PEX6: variants seen among roughly 807,000 people sequenced by gnomAD.
The protein encoded by PEX6 is peroxisome biogenesis factor 6.
Under a neutral mutation model 85.6 loss-of-function variants are expected in PEX6, and 55 were observed. The ratio of observed to expected loss-of-function variants is 0.64; its 90% CI spans 0.52 to 0.80. The LOEUF (loss-of-function observed/expected upper bound fraction) is 0.80, where lower values mean the gene tolerates loss of function less well. Ranked by LOEUF, PEX6 falls within the 30% of genes least tolerant of loss-of-function variation. PEX6 has a pLI of 0.00. For synonymous variants in PEX6, 519 were observed against 549.1 expected, an observed-to-expected ratio of 0.95 and a Z score of 0.77; for missense variants, 1,099 against 1,260.3, an observed-to-expected ratio of 0.87 and a Z score of 1.94.
rs1769993888 is a variant in PEX6, at chr6:42,969,773, C to T, written c.1262G>A (p.Trp421Ter). 1.2e-6 allele frequency: 2 copies of T among 1,613,824 alleles called. No homozygotes were observed. Among genetic ancestry groups the T allele is most frequent in the Admixed American group, 1.7e-5 (1 of 60,004 alleles). The stretch of plus-strand genomic sequence containing the variant: ...GAGAGTGGATTCCTCTGAAGGGAGC[C>T]ATGGAACAGGGCTCAGGGTAGAACC... ...MVGSTLSPVPWLPSEESTLWS... is the reference protein window; with the variant it reads ...MVGSTLSPVP The change falls in exon 5 of 17, where the codon TGG becomes TAG. Residue 421 changes from tryptophan (W) to a stop codon, truncating the protein, a stop_gained. Coordinates refer to ENST00000304611, the MANE Select transcript of PEX6 (RefSeq NM_000287.4). LOFTEE classifies it high-confidence loss of function.
intron 3 of PEX6, 127 bp from the exon 4 acceptor site, chr6:42,970,114 G>GA (rs1352612506): frequency 5.3e-6 from 4 of 756,618 alleles, no homozygotes; most frequent in Non-Finnish European, 9.4e-6. Context: ...TCATGGTGGG[G>GA]AAAAGGAATG....
Position 42,978,532 on chromosome 6 carries a change from C to A in PEX6, c.619G>T (p.Val207Leu), listed in dbSNP as rs181734082. The change falls in exon 1 of 17, where the codon GTG (valine) becomes TTG (leucine). Residue 207 changes from valine to leucine, a missense_variant. Val to Leu is a conservative substitution (Grantham distance 32). Transcript: ENST00000304611. ...AGGCCACGGAGACAGCTCCGGCTCA[C>A]CCCTAGTGAATCTCCAGTCCCTCCC... The part of the protein sequence containing the change: ...VLGGTGDSLG[V>L]SRSCLRGLGL... The A allele has an allele frequency of 1.9e-6, 3 of 1,614,028 alleles. No homozygotes were observed. The East Asian group carries it at 6.7e-5, about 36-fold the overall frequency.
chr6:42,964,612 T>G lies in PEX6; in HGVS notation c.2807-141A>C, dbSNP rs182875791. ...GGACTAGGTTTGTCTCCCACTAGTTTTTTTTTTCCCTTAAACATTTTTTTT... is the reference window on the plus strand; with the variant it reads ...GGACTAGGTTTGTCTCCCACTAGTTGTTTTTTTCCCTTAAACATTTTTTTT... On this transcript the variant is annotated intron_variant, in intron 16 of 16. Coordinates refer to ENST00000304611, the MANE Select transcript of PEX6 (RefSeq NM_000287.4). The surrounding 1 kb of genome is among the most constrained non-coding windows in gnomAD (Gnocchi z 4.6). 1.9e-4 allele frequency: 251 copies of G among 1,323,318 alleles called. 1 individual carries two copies. In the Admixed American group the frequency reaches 4.8e-3, roughly 25 times the overall value. 82.0% of individuals were successfully genotyped at this position (1,323,318 alleles called of 1,614,324 possible).
chr6:42,969,340 G>A lies in PEX6; in HGVS notation c.1367+328C>T, dbSNP rs183195725. On this transcript the variant is annotated intron_variant, in intron 5 of 16. Coordinates refer to ENST00000304611, the MANE Select transcript of PEX6 (RefSeq NM_000287.4). ...CACACCTGGGCCACTGGTATGAGGAGTTGTGTCCTTCAGGGCCAGGGCAGT... is the reference window on the plus strand; with the variant it reads ...CACACCTGGGCCACTGGTATGAGGAATTGTGTCCTTCAGGGCCAGGGCAGT... Among the ~76,000 whole-genome samples the A allele has an allele frequency of 7.2e-5, 11 of 152,346 alleles. No individual in the cohort carries two copies. In the East Asian group the frequency reaches 1.9e-3, roughly 27 times the overall value.
Position 42,969,934 on chromosome 6 carries a change from C to T in PEX6, c.1184G>A (p.Gly395Glu). The T allele has an allele frequency of 6.2e-7, 1 of 1,614,222 alleles. No homozygotes were observed. Among genetic ancestry groups the T allele is most frequent in the Non-Finnish European group, 8.5e-7 (1 of 1,180,042 alleles). Residue 395 changes from glycine (G) to glutamate (E), a missense_variant, in exon 4 of 17, where the codon GGA becomes GAA. Physicochemically the swap from Gly to Glu is moderately conservative, Grantham distance 98. This residue lies in a region of PEX6 where 579 missense variants were observed against 611.6 expected (regional missense o/e 0.95). Transcript: ENST00000304611. ...VKKTVGEAPD[G>E]PASAYLADTT... The stretch of plus-strand genomic sequence containing the variant: ...GTCGGCCAAGTAGGCACTGGCTGGT[C>T]CATCTGGAGCTTCCCCAACTGTTTT...
chr6:42,968,251 GC>G (rs751839033), intron 7 of PEX6, 38 bp downstream of exon 7: 20 of 1,569,806 alleles, frequency 1.3e-5, no homozygotes, highest in East Asian at 2.2e-5. Flanking sequence ...CGCCCAGCCG[GC>G]CCCCCCAGCT....
chr6:42,975,060 C>T (rs750905182), intron 1 of PEX6, 22 bp from the exon 2 acceptor site: 31 of 1,600,074 alleles, frequency 1.9e-5, no homozygotes, highest in Non-Finnish European at 2.4e-5. Context: ...ATAACCACCA[C>T]GTTATAACCT....
At position 42,974,956 on chromosome 6, in the gene PEX6, T is replaced by A; in HGVS notation, c.965A>T (p.His322Leu). 1 of 1,613,916 alleles carries A rather than the reference T, an allele frequency of 6.2e-7. No individual in the cohort carries two copies. The highest frequency in any genetic ancestry group is 8.5e-7 in the Non-Finnish European group (1 of 1,179,842). The change falls in exon 2 of 17, where the codon CAC becomes CTC. Residue 322 changes from histidine to leucine, a missense_variant. Transcript: ENST00000304611. ...LPGPPFAREL[H>L]IEIVSSPHYS... is the part of the protein sequence containing the mutation. ...GTGGGGAGAAGACACAATTTCGATGTGTAACTCTCTGGCAAATGGAGGCCC... is the reference window on the plus strand; with the variant it reads ...GTGGGGAGAAGACACAATTTCGATGAGTAACTCTCTGGCAAATGGAGGCCC...
Position 42,964,574 on chromosome 6 carries a change from C to T in PEX6, c.2807-103G>A. 6.9e-7 allele frequency: 1 copy of T among 1,442,746 alleles called. No homozygotes were observed. Among genetic ancestry groups the T allele is most frequent in the Non-Finnish European group, 9.7e-7 (1 of 1,032,898 alleles). 89.4% of individuals were successfully genotyped at this position (1,442,746 alleles called of 1,614,324 possible). A position where few individuals can be genotyped will look rare whatever the true frequency, so the allele number is the denominator to read the frequency against. On this transcript the variant is annotated intron_variant, in intron 16 of 16. Transcript: ENST00000304611. This position sits in a 1 kb window ranked among gnomAD's most constrained non-coding sequence, Gnocchi z 4.6. ...GGTCTCCTAGATGTCAATGATCTTC[C>T]CTCTGGAATCCAGGACTAGGTTTGT...
rs762924769 is a variant in PEX6, at chr6:42,969,755, G to A, written c.1280C>T (p.Ser427Phe). The A allele has an allele frequency of 6.2e-7, 1 of 1,613,808 alleles. No individual in the cohort carries two copies. The highest frequency in any genetic ancestry group is 8.5e-7 in the Non-Finnish European group (1 of 1,179,900). ...SPVPWLPSEESTLWSSLSPPG... is the reference protein window; with the variant it reads ...SPVPWLPSEEFTLWSSLSPPG... ...AGGAGACAAACTGCTCCAGAGAGTG[G>A]ATTCCTCTGAAGGGAGCCATGGAAC... Residue 427 changes from serine to phenylalanine, a missense_variant, in exon 5 of 17, where the codon TCC (serine) becomes TTC (phenylalanine). Ser to Phe is a radical substitution (Grantham distance 155). Transcript: ENST00000304611.
chr6:42,966,986 T>C, intron 8 of PEX6, 128 bp from the exon 9 acceptor site: 1 of 756,638 alleles, frequency 1.3e-6, no homozygotes, highest in South Asian at 1.5e-5. Flanking sequence ...TTTTTTTTTT[T>C]TTTGAGACGG....
Position 42,964,892 on chromosome 6 carries a change from G to A in PEX6, c.2704C>T (p.Leu902=), listed in dbSNP as rs368544721. 1.9e-6 allele frequency: 3 copies of A among 1,614,060 alleles called. No homozygotes were observed. The highest frequency in any genetic ancestry group is 2.5e-6 in the Non-Finnish European group (3 of 1,180,032). Residue 902 remains leucine (L), a synonymous_variant, in exon 16 of 17, where the codon CTA becomes TTA. Coordinates refer to ENST00000304611, the MANE Select transcript of PEX6 (RefSeq NM_000287.4). The surrounding 1 kb of genome is among the most constrained non-coding windows in gnomAD (Gnocchi z 4.6). ...LEPSVSLVNV[L]DCCPPQLTGA... ...GTCAGCTGGGGAGGGCAGCAATCTA[G>A]CACGTTTACCAGGCTCACAGATGGC...
At chr6:42,970,062 TCA>T (rs1007128448) in intron 3 of PEX6, 75 bp from the exon 4 acceptor site, 1 of 1,170,648 alleles carries the variant, frequency 8.5e-7, no homozygotes, top group African/African-American at 1.5e-5. Flanking sequence ...GGTTTCTCAA[TCA>T]CAGAGGACAA....
At chr6:42,967,220 C>T (rs187978955) in intron 8 of PEX6, 148 bp downstream of exon 8, 19 of 746,610 alleles carry the variant, frequency 2.5e-5, no homozygotes, top group African/African-American at 5.2e-5. Flanking sequence ...CCGCCCACCT[C>T]GGCCTCCCAA....
At chr6:42,975,387 T>C (rs1038018172) in intron 1 of PEX6, among the ~76,000 whole-genome samples, 1 of 152,208 alleles carries the variant, frequency 6.6e-6, no homozygotes, top group Non-Finnish European at 1.5e-5. Context: ...TAAGTGGTCA[T>C]TAGTGGGGAA....
rs375588028 is a variant in PEX6 at position 42,978,494 on chromosome 6, C to T, written c.657G>A (p.Gln219=). The T allele has an allele frequency of 1.1e-4, 176 of 1,614,198 alleles. No homozygotes were observed. Among genetic ancestry groups the T allele is most frequent in the South Asian group, 3.3e-4 (30 of 91,082 alleles). ...RSCLRGLGLF[Q]GEWVWVAQAR... ...CCTGGGCCACCCACACCCATTCGCCCTGGAAGAGGCCAAGGCCACGGAGAC... is the reference window on the plus strand; with the variant it reads ...CCTGGGCCACCCACACCCATTCGCCTTGGAAGAGGCCAAGGCCACGGAGAC... Residue 219 remains glutamine (Q), a synonymous_variant, in exon 1 of 17, where the codon CAG becomes CAA. Coordinates refer to ENST00000304611, the MANE Select transcript of PEX6 (RefSeq NM_000287.4).
chr6:42,964,135 G>C lies in PEX6; in HGVS notation c.*200C>G. 1 of 622,276 alleles carries C rather than the reference G, an allele frequency of 1.6e-6. No individual in the cohort carries two copies. The highest frequency in any genetic ancestry group is 2.8e-6 in the Non-Finnish European group (1 of 354,182). The allele number at this position is 622,276 out of a possible 1,614,324, so 38.5% of individuals were successfully genotyped here. A position where few individuals can be genotyped will look rare whatever the true frequency, so the allele number is the denominator to read the frequency against. ...TTCTCTTAGAGCCGGCCTGGAAGGA[G>C]GGGCAAGTAGGCAGGAGATATCTCT... On this transcript the variant is annotated 3_prime_UTR_variant, in exon 17 of 17. Coordinates refer to ENST00000304611, the MANE Select transcript of PEX6 (RefSeq NM_000287.4). The surrounding 1 kb of genome is among the most constrained non-coding windows in gnomAD (Gnocchi z 4.6).
In PEX6 at chr6:42,965,199, G is replaced by C. The variant is rs757044378; in HGVS notation, c.2589-47C>G. The C allele has an allele frequency of 2.5e-6, 4 of 1,609,366 alleles. No individual in the cohort carries two copies. The South Asian group carries it at 4.4e-5, about 18-fold the overall frequency. On this transcript the variant is annotated intron_variant, in intron 14 of 16. Coordinates refer to ENST00000304611, the MANE Select transcript of PEX6 (RefSeq NM_000287.4). The surrounding 1 kb of genome is among the most constrained non-coding windows in gnomAD (Gnocchi z 5.0). ...TAAGTTTCAGGGAGCCCAGCCATGA[G>C]GGGTGAAGGAGGCACAAAATGAGGG...
chr6:42,973,551 C>G (rs1581770982), intron 3 of PEX6, among the ~76,000 whole-genome samples: 1 of 152,164 alleles, frequency 6.6e-6, no homozygotes, highest in Admixed American at 6.6e-5. Flanking sequence ...TGAATTTTCT[C>G]TCCAAAAAAA....
Sources: allele counts gnomAD v4.1 joint callset (sites outside exome capture counted in the v4.1 genomes callset), GRCh38; gene constraint gnomAD v4.1.1; regional missense constraint gnomAD v4.1.1; non-coding constraint Gnocchi (gnomAD v3.1); transcripts MANE v1.5; gene names NCBI Gene and HGNC (gene_info 2026-07-23, HGNC 2026-07-21).